COL27A1: variants seen among roughly 807,000 people sequenced by gnomAD.
The protein encoded by COL27A1 is collagen alpha-1(XXVII) chain.
A neutral mutation model predicts 251.3 loss-of-function variants in COL27A1; 106 were observed. The observed-to-expected ratio is 0.42, with a 90% CI of 0.36 to 0.50. The LOEUF (loss-of-function observed/expected upper bound fraction) is 0.50. COL27A1 is among the 20% of genes least tolerant of loss of function. COL27A1 has a pLI of 0.00. For synonymous variants in COL27A1, 1,000 were observed against 986.3 expected (o/e 1.01, Z -0.26); for missense variants, 2,325 against 2,522.8 (o/e 0.92, Z 1.68).
chr9:114,175,105 C>T (rs1827309992), intron 3 of COL27A1, among the ~76,000 whole-genome samples: 1 of 15,568 alleles, frequency 6.4e-5, no homozygotes, highest in South Asian at 4.2e-3. Context: ...ATGGGGTTCC[C>T]CTAGATCTGG....
intron 50 of COL27A1, 68 bp downstream of exon 50, chr9:114,300,191 A>G: frequency 6.8e-7 from 1 of 1,474,906 alleles, no homozygotes; most frequent in Non-Finnish European, 9.5e-7. Flanking sequence ...TCATTTATTC[A>G]TTCAACAAAT....
chr9:114,253,018 C>A, intron 27 of COL27A1, 86 bp downstream of exon 27: 1 of 1,068,566 alleles, frequency 9.4e-7, no homozygotes, highest in Non-Finnish European at 1.4e-6. Flanking sequence ...CACCTGTAAT[C>A]TCAGCACTTC....
chr9:114,167,293 A>G (rs1215573293), intron 2 of COL27A1, among the ~76,000 whole-genome samples: 1 of 152,216 alleles, frequency 6.6e-6, no homozygotes, highest in Non-Finnish European at 1.5e-5. Flanking sequence ...AGGCACTTAA[A>G]AATAAATGTA....
intron 23 of COL27A1, among the ~76,000 whole-genome samples, chr9:114,245,257 G>A (rs1833054093): frequency 6.8e-6 from 1 of 147,106 alleles, no homozygotes; most frequent in Non-Finnish European, 1.5e-5. Flanking sequence ...CTGGGTTCAA[G>A]CAATTCTCTT....
chr9:114,185,806 C>T (rs1828296771), intron 5 of COL27A1, among the ~76,000 whole-genome samples: 1 of 152,244 alleles, frequency 6.6e-6, no homozygotes, highest in South Asian at 2.1e-4. Context: ...AGGGCTTGCC[C>T]TGGGGGCACG....
intron 44 of COL27A1, 70 bp downstream of exon 44, chr9:114,289,037 C>A (rs1827717202): frequency 1.3e-6 from 2 of 1,576,424 alleles, no homozygotes; most frequent in African/African-American, 2.7e-5. Context: ...AATTAAAGAA[C>A]TAGGCCCTTT....
chr9:114,245,148 G>GTTTTTTTT (rs779029948), intron 23 of COL27A1, among the ~76,000 whole-genome samples: 3 of 101,334 alleles, frequency 3.0e-5, no homozygotes, highest in Admixed American at 1.1e-4. Flanking sequence ...GTGCATTCTT[G>GTTTTTTTT]TTTTTTTTTT....
At chr9:114,274,714 G>T (rs1046910708) in intron 36 of COL27A1, among the ~76,000 whole-genome samples, 1 of 152,216 alleles carries the variant, frequency 6.6e-6, no homozygotes, top group African/African-American at 2.4e-5. Context: ...CAGTGGGATT[G>T]TGCCTTTAGA....
intron 24 of COL27A1, among the ~76,000 whole-genome samples, chr9:114,248,444 GACCAGGCTAGCCTCCTCCCCAA>G: frequency 1.3e-5 from 2 of 152,340 alleles, no homozygotes; most frequent in East Asian, 3.9e-4. Context: ...GCAATGTGAG[GACCAGGCTAGCCTCCTCCCCAA>G]AACTGGGAAC....
Position 114,310,740 on chromosome 9 carries a change from G to A in COL27A1, c.*45G>A. On this transcript the variant is annotated 3_prime_UTR_variant, in exon 61 of 61. Transcript: ENST00000356083. ...TCTAGGCCTCACGGAGGAGGGAAGA[G>A]GAAGAGGCAAGGGGAGGGTACTGAG... 6.2e-7 allele frequency: 1 copy of A among 1,608,856 alleles called. No individual in the cohort carries two copies. The highest frequency in any genetic ancestry group is 1.3e-5 in the African/African-American group (1 of 74,942).
intron 37 of COL27A1, among the ~76,000 whole-genome samples, chr9:114,276,008 C>T (rs1687412): frequency 0.039 from 6,002 of 152,248 alleles, 397 homozygotes; most frequent in African/African-American, 0.14. Flanking sequence ...TGGTCCCTGC[C>T]GACCTCATCT....
intron 55 of COL27A1, 112 bp downstream of exon 55, chr9:114,301,829 G>A: frequency 9.2e-7 from 1 of 1,091,290 alleles, no homozygotes; most frequent in Non-Finnish European, 1.3e-6. Context: ...AGGGGTTCTT[G>A]TAGCCCACAG....
chr9:114,228,524 C>T (rs916794878), intron 14 of COL27A1, among the ~76,000 whole-genome samples: 14 of 152,212 alleles, frequency 9.2e-5, no homozygotes, highest in Non-Finnish European at 1.5e-4. Flanking sequence ...CCAGAGACCA[C>T]CTCAGAATGG....
rs140135162 is a variant in COL27A1, at chr9:114,304,871, A to G, written c.4938+198A>G. Among the ~76,000 whole-genome samples the G allele has an allele frequency of 1.3e-3, 193 of 152,316 alleles. 4 individuals are homozygous for G. In the East Asian group the frequency reaches 0.029, roughly 23 times the overall value. On this transcript the variant is annotated intron_variant, in intron 57 of 60. Coordinates refer to ENST00000356083, the MANE Select transcript of COL27A1 (RefSeq NM_032888.4). ...GCAGTGAGTCCAAGGTCCCATGGCCAGTGCAGGCAGAGCAAGGCCAGAAAC... is the reference window on the plus strand; with the variant it reads ...GCAGTGAGTCCAAGGTCCCATGGCCGGTGCAGGCAGAGCAAGGCCAGAAAC...
At chr9:114,262,741 G>A (rs1442773474) in intron 28 of COL27A1, among the ~76,000 whole-genome samples, 1 of 152,210 alleles carries the variant, frequency 6.6e-6, no homozygotes, top group Non-Finnish European at 1.5e-5. Context: ...CCAGGCCCTG[G>A]GCTTGGGGAT....
intron 10 of COL27A1, 139 bp downstream of exon 10, chr9:114,206,435 G>A (rs74675082): frequency 0.034 from 27,800 of 827,890 alleles, 549 homozygotes; most frequent in Middle Eastern, 0.043. Context: ...CAACAGAGGG[G>A]CAGCAGGAGG....
chr9:114,301,867 C>G, intron 55 of COL27A1, 150 bp downstream of exon 55: 1 of 927,144 alleles, frequency 1.1e-6, no homozygotes, highest in Non-Finnish European at 1.7e-6. Context: ...GGGCATCCCC[C>G]GAACATTCAC....
Position 114,304,640 on chromosome 9 carries a change from G to T in COL27A1, c.4905G>T (p.Thr1635=). Residue 1635 remains threonine (T), a synonymous_variant, in exon 57 of 61, where the codon ACG becomes ACT. Transcript: ENST00000356083. ...QQDDLGAAFQ[T]WMDTSGALRP... is the part of the protein sequence containing the mutation. ...ATGATCTTGGGGCAGCTTTCCAGAC[G>T]TGGATGGACACCAGTGGAGCACTCA... is the stretch of plus-strand genomic sequence containing the variant. The T allele has an allele frequency of 6.2e-7, 1 of 1,614,158 alleles. No homozygotes were observed. The highest frequency in any genetic ancestry group is 8.5e-7 in the Non-Finnish European group (1 of 1,180,022).
intron 44 of COL27A1, 117 bp from the exon 45 acceptor site, chr9:114,289,125 C>A: frequency 7.2e-7 from 1 of 1,394,186 alleles, no homozygotes. Flanking sequence ...CTGGGGATGC[C>A]CCCAGAACCT....
Sources: gnomAD v4.1 joint callset for allele counts (sites outside exome capture counted in the v4.1 genomes callset) on GRCh38, gnomAD v4.1.1 for gene constraint, MANE v1.5 for transcripts, NCBI Gene and HGNC (gene_info 2026-07-23, HGNC 2026-07-21) for gene names.